Variants in ANKS1B observed in about 807,000 individuals in gnomAD.
The protein encoded by ANKS1B is ankyrin repeat and sterile alpha motif domain-containing protein 1B.
Under a neutral mutation model 148.3 loss-of-function variants are expected in ANKS1B, and 36 were observed. That is an observed-to-expected ratio of 0.24 (90% CI 0.19 to 0.32). The LOEUF (loss-of-function observed/expected upper bound fraction) is 0.32, where lower values mean the gene tolerates loss of function less well. Ranked by LOEUF, ANKS1B falls within the 10% of genes least tolerant of loss-of-function variation. The pLI is 1.00. For missense variants in ANKS1B, 1,157 were observed against 1,542.6 expected (o/e 0.75, Z 4.19); for synonymous variants, 542 against 560.8 (o/e 0.97, Z 0.47).
chr12:99,821,012 T>C (rs1026132452), intron 2 of ANKS1B, among the ~76,000 whole-genome samples: 2 of 152,008 alleles, frequency 1.3e-5, no homozygotes, highest in Non-Finnish European at 2.9e-5. Flanking sequence ...GTTCATAGAT[T>C]ATTTAAACTT....
intron 11 of ANKS1B, among the ~76,000 whole-genome samples, chr12:99,441,886 A>G (rs2095556039): frequency 1.3e-5 from 2 of 151,998 alleles, no homozygotes; most frequent in African/African-American, 4.8e-5. Context: ...ATAATGCCTC[A>G]GTTATTCAGA....
At chr12:98,993,874 T>C (rs1250362570) in intron 17 of ANKS1B, among the ~76,000 whole-genome samples, 9 of 152,240 alleles carry the variant, frequency 5.9e-5, no homozygotes. Context: ...CAAAATGATA[T>C]TTAATCTTCC....
In ANKS1B at chr12:99,246,853, G is replaced by T. The variant is rs759420796; in HGVS notation, c.1768C>A (p.Arg590=). Residue 590 remains arginine (R), a synonymous_variant, in exon 13 of 27, where the codon CGA becomes AGA. Transcript: ENST00000683438. ...TTTGGGGGATCATTGTCATCCTGTC[G>T]GGAGAGGTCATCTGCAAAAGGAAGG... ...EGTNHTDDLS[R]QDDNDPPKEY... The T allele has an allele frequency of 6.3e-7, 1 of 1,583,172 alleles. No homozygotes were observed. The highest frequency in any genetic ancestry group is 8.5e-7 in the Non-Finnish European group (1 of 1,171,292).
Position 98,745,719 on chromosome 12 carries a change from G to C in ANKS1B, c.*20C>G. On this transcript the variant is annotated 3_prime_UTR_variant, in exon 27 of 27. Transcript: ENST00000683438. Reference sequence around the variant, plus strand: ...CCGCTTGGCGAGCAAGGCACCGCGAGGACAGGAGGACGGCGAGTATCAGAA... The same window carrying C: ...CCGCTTGGCGAGCAAGGCACCGCGACGACAGGAGGACGGCGAGTATCAGAA... 6.2e-7 allele frequency: 1 copy of C among 1,612,140 alleles called. No individual in the cohort carries two copies. The highest frequency in any genetic ancestry group is 8.5e-7 in the Non-Finnish European group (1 of 1,179,020).
At chr12:98,878,121 G>A (rs545336099) in intron 17 of ANKS1B, among the ~76,000 whole-genome samples, 2 of 151,398 alleles carry the variant, frequency 1.3e-5, no homozygotes, top group Non-Finnish European at 2.9e-5. Flanking sequence ...TCTGAAAGAG[G>A]GGTAGCAAAT....
intron 17 of ANKS1B, among the ~76,000 whole-genome samples, chr12:99,014,082 A>C (rs2099941016): frequency 6.6e-6 from 1 of 152,226 alleles, no homozygotes; most frequent in Non-Finnish European, 1.5e-5. Flanking sequence ...TTAGGCAAAA[A>C]GAACAAAGCT....
At chr12:99,155,018 G>T (rs1443613137) in intron 14 of ANKS1B, 13 of 1,535,222 alleles carry the variant, frequency 8.5e-6, no homozygotes, top group African/African-American at 1.4e-5. Context: ...AACAAATGCA[G>T]AAAATAGCAA....
chr12:99,754,301 A>T (rs2061376324), intron 8 of ANKS1B, among the ~76,000 whole-genome samples: 1 of 152,160 alleles, frequency 6.6e-6, no homozygotes, highest in South Asian at 2.1e-4. Flanking sequence ...AATTAAGAAG[A>T]TCTAACTATC....
chr12:98,816,589 G>A (rs1269739642), intron 19 of ANKS1B, among the ~76,000 whole-genome samples: 4 of 152,158 alleles, frequency 2.6e-5, no homozygotes, highest in Non-Finnish European at 5.9e-5. Flanking sequence ...ACTGCACCTG[G>A]CCTTAAGCAG....
intron 19 of ANKS1B, among the ~76,000 whole-genome samples, chr12:98,808,444 T>C (rs2099067897): frequency 6.6e-6 from 1 of 152,132 alleles, no homozygotes; most frequent in South Asian, 2.1e-4. Flanking sequence ...CAAAACTCGG[T>C]AGTTAACAAA....
intron 19 of ANKS1B, among the ~76,000 whole-genome samples, chr12:98,823,088 G>T (rs142598086): frequency 6.6e-6 from 1 of 152,208 alleles, no homozygotes; most frequent in Non-Finnish European, 1.5e-5. Context: ...GTATGGAAGC[G>T]CTATTTTCCA....
At chr12:98,904,652 A>G (rs1180137059) in intron 17 of ANKS1B, among the ~76,000 whole-genome samples, 1 of 152,232 alleles carries the variant, frequency 6.6e-6, no homozygotes, top group Non-Finnish European at 1.5e-5. Flanking sequence ...GAGGATCCAG[A>G]GAACTCAGCA....
chr12:99,941,459 A>C (rs113431882), intron 1 of ANKS1B, among the ~76,000 whole-genome samples: 1 of 104,004 alleles, frequency 9.6e-6, no homozygotes, highest in Non-Finnish European at 2.3e-5. Flanking sequence ...GTGGGAATAG[A>C]AAGTTAAAAA....
intron 17 of ANKS1B, chr12:98,949,574 A>G (rs1361362054): frequency 3.3e-5 from 5 of 152,228 alleles, no homozygotes; most frequent in African/African-American, 1.2e-4. Flanking sequence ...AAAATGAAAG[A>G]TCGGTGGGAA....
At chr12:99,745,844 T>TACA (rs1232460140) in intron 8 of ANKS1B, among the ~76,000 whole-genome samples, 1 of 152,038 alleles carries the variant, frequency 6.6e-6, no homozygotes, top group Non-Finnish European at 1.5e-5. Flanking sequence ...TATGATACAA[T>TACA]ATTTAACTAC....
At chr12:99,935,581 A>C (rs940620015) in intron 1 of ANKS1B, among the ~76,000 whole-genome samples, 3 of 151,840 alleles carry the variant, frequency 2.0e-5, no homozygotes, top group African/African-American at 7.3e-5. Context: ...TAAGACAGAC[A>C]CTCACCCATT....
At chr12:99,721,232 G>A (rs989119175) in intron 8 of ANKS1B, among the ~76,000 whole-genome samples, 3 of 151,818 alleles carry the variant, frequency 2.0e-5, no homozygotes, top group South Asian at 4.2e-4. Flanking sequence ...GAGAAACATC[G>A]CCCGTTATCT....
chr12:98,820,575 G>T (rs2099179225), intron 19 of ANKS1B, among the ~76,000 whole-genome samples: 1 of 152,162 alleles, frequency 6.6e-6, no homozygotes, highest in African/African-American at 2.4e-5. Flanking sequence ...GACTACGGAA[G>T]AGTGAGGCAT....
chr12:99,264,265 T>G (rs1167950402), intron 12 of ANKS1B, among the ~76,000 whole-genome samples: 1 of 152,146 alleles, frequency 6.6e-6, no homozygotes, highest in Non-Finnish European at 1.5e-5. Flanking sequence ...ACTGCTACAC[T>G]TTTCGTTCTA....
Sources: gnomAD v4.1 joint callset for allele counts (sites outside exome capture counted in the v4.1 genomes callset) on GRCh38, gnomAD v4.1.1 for gene constraint, MANE v1.5 for transcripts, NCBI Gene and HGNC (gene_info 2026-07-23, HGNC 2026-07-21) for gene names.